CTNND2: variants seen among roughly 807,000 people sequenced by gnomAD.
The protein encoded by CTNND2 is catenin delta-2.
In CTNND2, 22 loss-of-function variants were observed where a neutral mutation model predicts 144.4. The observed-to-expected ratio is 0.15, with a 90% CI of 0.11 to 0.22. CTNND2 has a LOEUF of 0.22. CTNND2 is among the 10% of genes least tolerant of loss of function. CTNND2 has a pLI of 1.00. For synonymous variants in CTNND2, 751 were observed against 695.6 expected, an observed-to-expected ratio of 1.08 and a Z score of -1.25; for missense variants, 1,353 against 1,618.8, an observed-to-expected ratio of 0.84 and a Z score of 2.82.
At chr5:10,994,370 GAAGGGGCCGGGGAAA>G (rs1739082125) in intron 18 of CTNND2, among the ~76,000 whole-genome samples, 1 of 42,758 alleles carries the variant, frequency 2.3e-5, no homozygotes, top group Non-Finnish European at 4.8e-5. Context: ...GGGGAAGGAG[GAAGGGGCCGGGGAAA>G]GAGGAGGGGG....
intron 16 of CTNND2, among the ~76,000 whole-genome samples, chr5:11,042,522 G>A (rs1206680839): frequency 6.6e-6 from 1 of 152,212 alleles, no homozygotes; most frequent in Non-Finnish European, 1.5e-5. Flanking sequence ...TGAATTCCAA[G>A]ATGGTTCTCA....
chr5:11,653,023 T>C (rs1032130205), intron 2 of CTNND2, among the ~76,000 whole-genome samples: 1 of 151,884 alleles, frequency 6.6e-6, no homozygotes, highest in Admixed American at 6.6e-5. Context: ...CCATCTATGT[T>C]TTTGCAGATG....
chr5:11,643,210 A>G (rs908143138), intron 2 of CTNND2, among the ~76,000 whole-genome samples: 3 of 149,030 alleles, frequency 2.0e-5, no homozygotes, highest in African/African-American at 7.4e-5. Context: ...TACATTTAAT[A>G]TTTTATTTTT....
chr5:11,508,295 A>C (rs1032359022), intron 3 of CTNND2: 8 of 152,232 alleles, frequency 5.3e-5, no homozygotes, highest in African/African-American at 1.9e-4. Flanking sequence ...GCATTTGAAG[A>C]CAATGTTTCA....
intron 11 of CTNND2, among the ~76,000 whole-genome samples, chr5:11,169,492 C>T (rs945852806): frequency 1.1e-4 from 17 of 152,292 alleles, no homozygotes; most frequent in African/African-American, 4.1e-4. Flanking sequence ...CACCTTATCT[C>T]TATGCATGGA....
At chr5:11,174,560 A>G (rs1760271563) in intron 11 of CTNND2, among the ~76,000 whole-genome samples, 2 of 151,794 alleles carry the variant, frequency 1.3e-5, no homozygotes, top group African/African-American at 4.8e-5. Flanking sequence ...TTTCTCTTTT[A>G]TTGTGCATAT....
intron 2 of CTNND2, among the ~76,000 whole-genome samples, chr5:11,652,700 T>C (rs1782706553): frequency 6.6e-6 from 1 of 152,238 alleles, no homozygotes; most frequent in African/African-American, 2.4e-5. Flanking sequence ...CTAATTAACA[T>C]ATCCATTACT....
At chr5:11,896,844 G>A (rs994494136) in intron 1 of CTNND2, among the ~76,000 whole-genome samples, 4 of 152,034 alleles carry the variant, frequency 2.6e-5, no homozygotes, top group African/African-American at 9.7e-5. Context: ...TAGCTACTCT[G>A]AAACTATAAT....
At chr5:11,184,119 G>A (rs994648002) in intron 11 of CTNND2, among the ~76,000 whole-genome samples, 1 of 152,184 alleles carries the variant, frequency 6.6e-6, no homozygotes, top group Non-Finnish European at 1.5e-5. Flanking sequence ...GTATCTCGCA[G>A]TCTTAGATTT....
chr5:11,018,791 A>AG (rs1741904234), intron 17 of CTNND2, among the ~76,000 whole-genome samples: 1 of 150,706 alleles, frequency 6.6e-6, no homozygotes, highest in Non-Finnish European at 1.5e-5. Context: ...GCTCACTGCA[A>AG]CCTCTGCCTC....
intron 3 of CTNND2, among the ~76,000 whole-genome samples, chr5:11,421,671 C>A (rs113364815): frequency 0.038 from 5,798 of 152,170 alleles, 380 homozygotes; most frequent in African/African-American, 0.13. Context: ...ATCTAAGCAG[C>A]CAGACACAAC....
At chr5:11,752,245 C>T (rs1481925143) in intron 1 of CTNND2, among the ~76,000 whole-genome samples, 1 of 151,756 alleles carries the variant, frequency 6.6e-6, no homozygotes, top group Non-Finnish European at 1.5e-5. Context: ...GTTGCAATTG[C>T]TTTTGGTGTC....
At chr5:11,114,825 C>T (rs1434171407) in intron 13 of CTNND2, among the ~76,000 whole-genome samples, 2 of 152,176 alleles carry the variant, frequency 1.3e-5, no homozygotes, top group East Asian at 3.9e-4. Context: ...CCCTCACCCT[C>T]AATTTGTCAT....
Position 11,082,663 on chromosome 5 carries a change from C to T in CTNND2, c.2788+33G>A, listed in dbSNP as rs764691711. The T allele has an allele frequency of 6.8e-6, 11 of 1,607,274 alleles. No individual in the cohort carries two copies. The African/African-American group carries it at 1.3e-4, about 20-fold the overall frequency. On this transcript the variant is annotated intron_variant, in intron 16 of 21. Transcript: ENST00000304623. ...CCCTAGAGAAAATATTTTCACTTAA[C>T]ACTTGAGACACTGTGAATCAGGGAG...
chr5:11,372,831 C>T (rs1252409181), intron 7 of CTNND2, among the ~76,000 whole-genome samples: 1 of 152,180 alleles, frequency 6.6e-6, no homozygotes, highest in East Asian at 1.9e-4. Flanking sequence ...CCACGGACCA[C>T]CCTTTGAGAA....
intron 9 of CTNND2, among the ~76,000 whole-genome samples, chr5:11,288,654 T>A (rs138565113): frequency 6.6e-6 from 1 of 152,154 alleles, no homozygotes; most frequent in African/African-American, 2.4e-5. Context: ...ATTCTCATTA[T>A]GGAAATGCAG....
intron 10 of CTNND2, among the ~76,000 whole-genome samples, chr5:11,234,424 T>C (rs577135472): frequency 1.2e-4 from 19 of 152,332 alleles, no homozygotes; most frequent in Non-Finnish European, 2.6e-4. Flanking sequence ...ATCTTCATTT[T>C]AAAGATTAGA....
chr5:11,853,003 A>T (rs1582006741), intron 1 of CTNND2, among the ~76,000 whole-genome samples: 1 of 152,264 alleles, frequency 6.6e-6, no homozygotes, highest in African/African-American at 2.4e-5. Flanking sequence ...ACCTCTTCCA[A>T]ATAAAAGAAT....
intron 16 of CTNND2, among the ~76,000 whole-genome samples, chr5:11,049,922 C>T (rs1282254200): frequency 6.6e-6 from 1 of 152,204 alleles, no homozygotes. Flanking sequence ...TTGCTACATA[C>T]AGACTACTGT....
Sources: allele counts gnomAD v4.1 joint callset (sites outside exome capture counted in the v4.1 genomes callset), GRCh38; gene constraint gnomAD v4.1.1; transcripts MANE v1.5; gene names NCBI Gene and HGNC (gene_info 2026-07-23, HGNC 2026-07-21).